The following PIGS variants were observed in gnomAD, a reference collection of about 807,000 sequenced individuals.
The protein encoded by PIGS is GPI-anchor transamidase component PIGS.
PIGS carries 37 observed loss-of-function variants against 58.2 expected under a neutral mutation model. That is an observed-to-expected ratio of 0.64 (90% CI 0.49 to 0.84). The LOEUF is 0.84. Among genes scored for constraint, PIGS ranks in the 40% least tolerant of loss-of-function variants. The pLI is 0.00. For synonymous variants in PIGS, 269 were observed against 289.2 expected (o/e 0.93, Z 0.71); for missense variants, 629 against 710.8 (o/e 0.88, Z 1.31).
rs1364913172 is a variant in PIGS, at chr17:28,555,058, C to T, written c.1185G>A (p.Leu395=). Residue 395 remains leucine (L), a synonymous_variant, in exon 11 of 12, where the codon TTG becomes TTA. Coordinates refer to ENST00000308360, the MANE Select transcript of PIGS (RefSeq NM_033198.4). ...VMEVFLAQLR[L]LFGIAQPQLP... ...GCTGGGGCTGAGCAATCCCAAAGAG[C>T]AACCTGTAGGAACATCGGAGTAAGA... 1.9e-6 allele frequency: 3 copies of T among 1,611,734 alleles called. No individual in the cohort carries two copies. In the African/African-American group the frequency reaches 4.0e-5, roughly 22 times the overall value.
At position 28,565,813 on chromosome 17, in the gene PIGS, C is replaced by T. The variant is rs151045127; in HGVS notation, c.287-1906G>A. ...AGGAGGCCAAGACAGGCGGACTGCT[C>T]GAGGCCAGGAGTTCAAGACCAGCCT... On this transcript the variant is annotated intron_variant, in intron 3 of 11. Transcript: ENST00000308360. Among the ~76,000 whole-genome samples the T allele has an allele frequency of 5.3e-4, 81 of 152,210 alleles. No individual in the cohort carries two copies. In the East Asian group the frequency reaches 0.011, roughly 21 times the overall value.
At position 28,554,807 on chromosome 17, in the gene PIGS, C is replaced by G. The variant is rs896597882; in HGVS notation, c.1392+44G>C. ...CTCACCACACTCTGGCCCTCTCTGGCTACTCCAGTCCCAAGCTGCAGAATC... is the reference window on the plus strand; with the variant it reads ...CTCACCACACTCTGGCCCTCTCTGGGTACTCCAGTCCCAAGCTGCAGAATC... On this transcript the variant is annotated intron_variant, in intron 11 of 11. Transcript: ENST00000308360. 3 of 1,606,812 alleles carry G rather than the reference C, an allele frequency of 1.9e-6. No individual in the cohort carries two copies. In the African/African-American group the frequency reaches 4.0e-5, roughly 22 times the overall value.
chr17:28,556,004 CCTT>C (rs2070324941), intron 10 of PIGS, 159 bp downstream of exon 10: 2 of 629,660 alleles, frequency 3.2e-6, no homozygotes, highest in Non-Finnish European at 5.6e-6. Context: ...ACCTACTAGT[CCTT>C]CTTAGAAGGA....
chr17:28,554,906 G>C lies in PIGS; in HGVS notation c.1337C>G (p.Ala446Gly). Residue 446 changes from alanine (A) to glycine (G), a missense_variant, in exon 11 of 12, where the codon GCG (alanine) becomes GGG (glycine). Transcript: ENST00000308360. ...GTTGCTGATCTTGCCCAGAAGCTGC[G>C]CCAGGGAGGTAAGGGTGGTGGTGGC... ...ATATTTLTSL[A>G]QLLGKISNIV... 1 of 1,614,110 alleles carries C rather than the reference G, an allele frequency of 6.2e-7. No homozygotes were observed.
chr17:28,564,715 C>CAAAA (rs1185487806), intron 3 of PIGS, among the ~76,000 whole-genome samples: 1 of 98,016 alleles, frequency 1.0e-5, no homozygotes. Flanking sequence ...AACTCCATCT[C>CAAAA]AAAAAAAAAA....
chr17:28,556,518 C>T, intron 9 of PIGS: 2 of 730,390 alleles, frequency 2.7e-6, no homozygotes, highest in South Asian at 2.8e-5. Context: ...GAGAAACTTC[C>T]AGTCTAACAA....
rs1009754822 is a variant in PIGS at position 28,570,458 on chromosome 17, C to A, written c.286+394G>T. On this transcript the variant is annotated intron_variant, in intron 3 of 11. Transcript: ENST00000308360. ...CCCAGGAGGCAGAGGTTGCAGTGAG[C>A]CAAGATGGCGCCACTGCACTCCAGC... 4.6e-5 allele frequency among the ~76,000 whole-genome samples: 7 copies of A among 152,230 alleles called. No individual in the cohort carries two copies. The South Asian group carries it at 1.4e-3, about 31-fold the overall frequency.
chr17:28,556,398 A>AT lies in PIGS; in HGVS notation c.1081-133dup, dbSNP rs1231265360. On this transcript the variant is annotated intron_variant, in intron 9 of 11. Coordinates refer to ENST00000308360, the MANE Select transcript of PIGS (RefSeq NM_033198.4). ...CTATAAACCTCATGGTATAGCTAAT[A>AT]TTTTTTGAGTACCTACTACGGAGAG... The AT allele has an allele frequency of 5.3e-6, 4 of 751,638 alleles. No homozygotes were observed. The East Asian group carries it at 1.0e-4, about 19-fold the overall frequency. 46.6% of individuals were successfully genotyped at this position (751,638 alleles called of 1,614,324 possible). A position where few individuals can be genotyped will look rare whatever the true frequency, so the allele number is the denominator to read the frequency against.
Position 28,570,847 on chromosome 17 carries a change from C to G in PIGS, c.286+5G>C, listed in dbSNP as rs1322256243. ...GAAAAGCAGCCCTGATCCCCAGTAA[C>G]TCACATTTCAGAGGAATCTCTCTTT... On this transcript the variant is annotated splice_donor_5th_base_variant and intron_variant, in intron 3 of 11. Transcript: ENST00000308360. The G allele has an allele frequency of 6.2e-7, 1 of 1,614,102 alleles. No individual in the cohort carries two copies. Among genetic ancestry groups the G allele is most frequent in the East Asian group, 2.2e-5 (1 of 44,890 alleles).
Position 28,553,676 on chromosome 17 carries a change from A to ACACACACAC in PIGS, c.*543_*544insGTGTGTGTG. 6.1e-6 allele frequency: 1 copy of ACACACACAC among 165,268 alleles called. No homozygotes were observed. The highest frequency in any genetic ancestry group is 2.5e-5 in the African/African-American group (1 of 40,462). 10.2% of individuals were successfully genotyped at this position (165,268 alleles called of 1,614,324 possible). On this transcript the variant is annotated 3_prime_UTR_variant, in exon 12 of 12. Coordinates refer to ENST00000308360, the MANE Select transcript of PIGS (RefSeq NM_033198.4). ...CACACACACACACACACACACACAC[A>ACACACACAC]GCACCATGTCCTGAGCTGCTGCCTC...
Position 28,554,182 on chromosome 17 carries a change from G to T in PIGS, c.*38C>A. The stretch of plus-strand genomic sequence containing the variant: ...TCACAATCTAACACCGCCCACCTTG[G>T]CCAGAAAGGAAGGCTTCCTATGGAG... On this transcript the variant is annotated 3_prime_UTR_variant, in exon 12 of 12. Coordinates refer to ENST00000308360, the MANE Select transcript of PIGS (RefSeq NM_033198.4). 1 of 1,605,858 alleles carries T rather than the reference G, an allele frequency of 6.2e-7. No homozygotes were observed. Among genetic ancestry groups the T allele is most frequent in the African/African-American group, 1.3e-5 (1 of 74,808 alleles).
Position 28,561,582 on chromosome 17 carries a change from C to T in PIGS, c.516G>A (p.Gly172=), listed in dbSNP as rs1014738333. The T allele has an allele frequency of 2.5e-6, 4 of 1,613,662 alleles. No individual in the cohort carries two copies. Among genetic ancestry groups the T allele is most frequent in the African/African-American group, 2.7e-5 (2 of 75,056 alleles). Residue 172 remains glycine (G), a synonymous_variant, in exon 6 of 12, where the codon GGG becomes GGA. Transcript: ENST00000308360. ...IGPKRTAVVR[G]IMHREAFNII... is the part of the protein sequence containing the mutation. Reference sequence around the variant, plus strand: ...TGTTAAAGGCCTCCCGGTGCATTATCCCCCGCACCACTGCTGTCCTCTTGG... The same window carrying T: ...TGTTAAAGGCCTCCCGGTGCATTATTCCCCGCACCACTGCTGTCCTCTTGG...
At chr17:28,559,910 C>T (rs1681502776) in intron 7 of PIGS, 139 bp downstream of exon 7, 5 of 1,129,100 alleles carry the variant, frequency 4.4e-6, no homozygotes, top group Non-Finnish European at 3.6e-6. Context: ...CCCCAGTACC[C>T]ACCCTTATGA....
chr17:28,558,403 C>T (rs2070343611), intron 8 of PIGS, 73 bp downstream of exon 8: 1 of 1,263,770 alleles, frequency 7.9e-7, no homozygotes. Flanking sequence ...ACTCCTGTCC[C>T]CTACCCAGCT....
At position 28,555,745 on chromosome 17, in the gene PIGS, T is replaced by A. The variant is rs149285089; in HGVS notation, c.1181+421A>T. 458 of 182,708 alleles carry A rather than the reference T, an allele frequency of 2.5e-3. 6 individuals are homozygous for A. In the East Asian group the frequency reaches 0.034, roughly 14 times the overall value. The allele number at this position is 182,708 out of a possible 1,614,324, so 11.3% of individuals were successfully genotyped here. On this transcript the variant is annotated intron_variant, in intron 10 of 11. Transcript: ENST00000308360. ...CAGCACTTTGGGAGGCCTAAGCGGG[T>A]GGATCACGAGGTCAGGAGTTCAAGA...
At chr17:28,567,347 G>T (rs1162501032) in intron 3 of PIGS, among the ~76,000 whole-genome samples, 2 of 152,182 alleles carry the variant, frequency 1.3e-5, no homozygotes, top group African/African-American at 2.4e-5. Context: ...CTAGAGGAAT[G>T]AGTTAAATTA....
At chr17:28,560,642 G>A (rs551679616) in intron 6 of PIGS, among the ~76,000 whole-genome samples, 5 of 152,222 alleles carry the variant, frequency 3.3e-5, no homozygotes, top group Admixed American at 3.3e-4. Flanking sequence ...GCTAGGCATG[G>A]TGGTGGGCGC....
chr17:28,555,116 A>G (rs2070318670), intron 10 of PIGS, 55 bp from the exon 11 acceptor site: 14 of 1,447,948 alleles, frequency 9.7e-6, no homozygotes, highest in Middle Eastern at 1.7e-4. Flanking sequence ...GCGGGAGATC[A>G]TGGCTAAGAT....
At chr17:28,554,528 G>T (rs761859617) in intron 11 of PIGS, 33 bp from the exon 12 acceptor site, 51 of 1,602,904 alleles carry the variant, frequency 3.2e-5, no homozygotes, top group Non-Finnish European at 3.7e-5. Context: ...GGGTATACCA[G>T]TAAGTCCTAG....
Sources: allele counts gnomAD v4.1 joint callset (sites outside exome capture counted in the v4.1 genomes callset), GRCh38; gene constraint gnomAD v4.1.1; transcripts MANE v1.5; gene names NCBI Gene and HGNC (gene_info 2026-07-23, HGNC 2026-07-21).